Variants in SND1 observed in about 807,000 individuals in gnomAD.
SND1 encodes staphylococcal nuclease and tudor domain containing 1, also known as staphylococcal nuclease domain-containing protein 1.
Under a neutral mutation model 121.7 loss-of-function variants are expected in SND1, and 38 were observed. The ratio of observed to expected loss-of-function variants is 0.31; its 90% CI spans 0.24 to 0.41. The LOEUF is 0.41. Among genes scored for constraint, SND1 ranks in the 10% least tolerant of loss-of-function variants. SND1 has a pLI of 1.00. For missense variants in SND1, 868 were observed against 1,184.6 expected (o/e 0.73, Z 3.92); for synonymous variants, 401 against 447.4 (o/e 0.90, Z 1.31).
intron 10 of SND1, among the ~76,000 whole-genome samples, chr7:127,744,265 A>G (rs1796938183): frequency 6.6e-6 from 1 of 151,526 alleles, no homozygotes; most frequent in Non-Finnish European, 1.5e-5. Flanking sequence ...CGTTTCTTCC[A>G]TGTTCTTTTC....
intron 17 of SND1, among the ~76,000 whole-genome samples, chr7:128,075,765 A>G (rs553525271): frequency 8.5e-5 from 13 of 152,356 alleles, no homozygotes; most frequent in African/African-American, 2.9e-4. Context: ...AGCCACCATC[A>G]GACCTCAGAG....
At chr7:127,675,412 C>T (rs550052493) in intron 1 of SND1, among the ~76,000 whole-genome samples, 1 of 152,080 alleles carries the variant, frequency 6.6e-6, no homozygotes, top group Non-Finnish European at 1.5e-5. Flanking sequence ...GATGCATGCT[C>T]CAGAAATTCT....
chr7:127,899,734 G>A (rs533147136), intron 13 of SND1, among the ~76,000 whole-genome samples: 19 of 152,270 alleles, frequency 1.2e-4, no homozygotes, highest in East Asian at 1.2e-3. Flanking sequence ...GTCAAAGTGT[G>A]TGTAGCTTCA....
At chr7:127,853,373 T>G (rs1799210310) in intron 12 of SND1, among the ~76,000 whole-genome samples, 1 of 152,158 alleles carries the variant, frequency 6.6e-6, no homozygotes, top group Non-Finnish European at 1.5e-5. Flanking sequence ...TGTTGAGAAA[T>G]CTGCAACAGT....
chr7:127,954,284 A>G (rs934703095), intron 15 of SND1, among the ~76,000 whole-genome samples: 2 of 152,240 alleles, frequency 1.3e-5, no homozygotes, highest in East Asian at 3.8e-4. Flanking sequence ...ATGCTGTACT[A>G]AAGATCTTAT....
intron 10 of SND1, among the ~76,000 whole-genome samples, chr7:127,725,107 A>G (rs1587622041): frequency 6.6e-6 from 1 of 152,240 alleles, no homozygotes. Context: ...GAGATTTACA[A>G]TATGGGTGTG....
chr7:127,858,281 C>A, intron 12 of SND1: 1 of 835,578 alleles, frequency 1.2e-6, no homozygotes, highest in South Asian at 1.5e-5. Context: ...CCGGTCCGGG[C>A]ACTGCGGGGA....
At chr7:127,744,466 G>A (rs1320950050) in intron 10 of SND1, among the ~76,000 whole-genome samples, 1 of 152,290 alleles carries the variant, frequency 6.6e-6, no homozygotes, top group East Asian at 1.9e-4. Context: ...TGAAGTTGTT[G>A]CATGTACAGT....
chr7:128,027,850 G>A (rs1330364013), intron 16 of SND1: 1 of 152,102 alleles, frequency 6.6e-6, no homozygotes, highest in Admixed American at 6.6e-5. Context: ...CTCCTCCTGG[G>A]AAACCCTGAA....
At chr7:128,072,006 G>A (rs1469313215) in intron 16 of SND1, among the ~76,000 whole-genome samples, 1 of 152,216 alleles carries the variant, frequency 6.6e-6, no homozygotes, top group Admixed American at 6.5e-5. Flanking sequence ...GCGCAGGAGA[G>A]CCCGGCTGCA....
chr7:127,977,107 T>C (rs1232416354), intron 15 of SND1, among the ~76,000 whole-genome samples: 1 of 152,190 alleles, frequency 6.6e-6, no homozygotes, highest in African/African-American at 2.4e-5. Context: ...CACATTTCAC[T>C]GCGAACGCTT....
At chr7:127,893,715 A>G (rs1800059694) in intron 13 of SND1, among the ~76,000 whole-genome samples, 1 of 152,018 alleles carries the variant, frequency 6.6e-6, no homozygotes, top group Non-Finnish European at 1.5e-5. Flanking sequence ...TTTCATGTGT[A>G]TTCTATTTCT....
intron 15 of SND1, among the ~76,000 whole-genome samples, chr7:127,935,393 T>C (rs1353821770): frequency 6.6e-6 from 1 of 152,218 alleles, no homozygotes; most frequent in African/African-American, 2.4e-5. Context: ...ATATAAATTT[T>C]AGAATGTAAA....
intron 13 of SND1, among the ~76,000 whole-genome samples, chr7:127,902,573 G>A (rs1162728616): frequency 6.6e-6 from 1 of 152,210 alleles, no homozygotes; most frequent in East Asian, 1.9e-4. Context: ...CCAACCTCTA[G>A]TCTTTTACTG....
intron 15 of SND1, among the ~76,000 whole-genome samples, chr7:127,960,488 G>C (rs1212327033): frequency 6.6e-6 from 1 of 152,154 alleles, no homozygotes; most frequent in Non-Finnish European, 1.5e-5. Flanking sequence ...AGCAAGCATT[G>C]AATTACAGTC....
chr7:127,814,169 C>G (rs576829376), intron 11 of SND1, among the ~76,000 whole-genome samples: 1 of 152,274 alleles, frequency 6.6e-6, no homozygotes, highest in Admixed American at 6.5e-5. Context: ...GCCACCCACT[C>G]CTGATCTTTT....
chr7:127,707,478 G>C (rs1338582260), intron 8 of SND1, 79 bp from the exon 9 acceptor site: 2 of 1,102,458 alleles, frequency 1.8e-6, no homozygotes, highest in Non-Finnish European at 2.8e-6. Flanking sequence ...GTAGGATGCT[G>C]CACCAACTGT....
intron 9 of SND1, among the ~76,000 whole-genome samples, chr7:127,710,245 A>G (rs1337743461): frequency 1.3e-5 from 2 of 152,230 alleles, no homozygotes; most frequent in African/African-American, 4.8e-5. Flanking sequence ...TTCTTGTGCT[A>G]TAATGGCAGA....
intron 1 of SND1, among the ~76,000 whole-genome samples, chr7:127,660,721 C>G (rs1795293919): frequency 6.6e-6 from 1 of 152,150 alleles, no homozygotes; most frequent in African/African-American, 2.4e-5. Context: ...GTATAGGAAT[C>G]ATTTTAATCT....
Sources: gnomAD v4.1 joint callset for allele counts (sites outside exome capture counted in the v4.1 genomes callset) on GRCh38, gnomAD v4.1.1 for gene constraint, MANE v1.5 for transcripts, NCBI Gene and HGNC (gene_info 2026-07-23, HGNC 2026-07-21) for gene names.